BBS9: variants seen among roughly 807,000 people sequenced by gnomAD.
BBS9 encodes the protein protein PTHB1.
BBS9 carries 89 observed loss-of-function variants against 117.7 expected under a neutral mutation model. The ratio of observed to expected loss-of-function variants is 0.76; its 90% CI spans 0.64 to 0.90. The LOEUF is 0.90. Among genes scored for constraint, BBS9 ranks in the 40% least tolerant of loss-of-function variants. The pLI is 0.00. For missense variants in BBS9, 982 were observed against 1,042.2 expected (o/e 0.94, Z 0.80); for synonymous variants, 379 against 370.9 (o/e 1.02, Z -0.25).
At chr7:33,193,714 G>A (rs1377973581) in intron 5 of BBS9, among the ~76,000 whole-genome samples, 1 of 152,156 alleles carries the variant, frequency 6.6e-6, no homozygotes, top group Non-Finnish European at 1.5e-5. Flanking sequence ...CAGCCTTACT[G>A]TAGGATTTGG....
intron 5 of BBS9, among the ~76,000 whole-genome samples, chr7:33,205,346 A>G (rs1786699927): frequency 6.6e-6 from 1 of 152,112 alleles, no homozygotes; most frequent in African/African-American, 2.4e-5. Flanking sequence ...CTTTTTAACC[A>G]GTATTTCAGT....
chr7:33,595,810 G>A (rs1331202684), intron 21 of BBS9, among the ~76,000 whole-genome samples: 1 of 152,198 alleles, frequency 6.6e-6, no homozygotes, highest in East Asian at 1.9e-4. Flanking sequence ...AGAAAATGTG[G>A]TATGTATACA....
At chr7:33,267,431 C>T (rs1217049094) in intron 7 of BBS9, among the ~76,000 whole-genome samples, 1 of 150,076 alleles carries the variant, frequency 6.7e-6, no homozygotes, top group Non-Finnish European at 1.5e-5. Context: ...TTTTTGGTTT[C>T]CTTTTCCTCT....
At position 33,357,981 on chromosome 7, in the gene BBS9, T is replaced by C. The variant is rs896832021; in HGVS notation, c.1679T>C (p.Leu560Pro). ...IDTNKSPVSL[L>P]SLFPGFASQS... ...ACCAACAAATCTCCAGTCAGTCTTC[T>C]TAGTCTCTTCCCAGGTAAGACTGTT... The change falls in exon 16 of 23, where the codon CTT becomes CCT. Residue 560 changes from leucine to proline, a missense_variant. By Grantham distance (98) the Leu-to-Pro change is moderately conservative. Transcript: ENST00000242067. 1.2e-6 allele frequency: 2 copies of C among 1,612,334 alleles called. No homozygotes were observed. Among genetic ancestry groups the C allele is most frequent in the Non-Finnish European group, 1.7e-6 (2 of 1,178,820 alleles).
chr7:33,588,538 C>T (rs1420300092), intron 21 of BBS9, among the ~76,000 whole-genome samples: 1 of 152,136 alleles, frequency 6.6e-6, no homozygotes, highest in Non-Finnish European at 1.5e-5. Context: ...ATAGAGATCC[C>T]TGCCATTTTG....
At position 33,406,346 on chromosome 7, in the gene BBS9, T is replaced by C. The variant is rs150422721; in HGVS notation, c.2115+18202T>C. ...GATTTGGGGTGGAGAGTTCTGTAGA[T>C]GTCTATTAGGTCTGCTTGGTGCAGA... On this transcript the variant is annotated intron_variant, in intron 19 of 22. Transcript: ENST00000242067. Among the ~76,000 whole-genome samples, 11 of 152,328 alleles carry C rather than the reference T, an allele frequency of 7.2e-5. No homozygotes were observed. The East Asian group carries it at 2.1e-3, about 29-fold the overall frequency.
intron 19 of BBS9, among the ~76,000 whole-genome samples, chr7:33,448,349 T>C (rs1176581803): frequency 6.6e-6 from 1 of 152,220 alleles, no homozygotes; most frequent in African/African-American, 2.4e-5. Context: ...CTGTCTGTGA[T>C]GTAGTCTGAG....
chr7:33,464,303 T>C (rs1839875167), intron 19 of BBS9, among the ~76,000 whole-genome samples: 1 of 152,010 alleles, frequency 6.6e-6, no homozygotes, highest in Non-Finnish European at 1.5e-5. Flanking sequence ...AAACTAAGGG[T>C]TGTAGATCAG....
At chr7:33,363,669 A>G (rs1402984797) in intron 16 of BBS9, among the ~76,000 whole-genome samples, 1 of 151,508 alleles carries the variant, frequency 6.6e-6, no homozygotes, top group African/African-American at 2.4e-5. Flanking sequence ...TGTTTTAGCT[A>G]TAAGTATTTT....
chr7:33,537,107 T>A (rs944777079), intron 21 of BBS9, among the ~76,000 whole-genome samples: 2 of 152,168 alleles, frequency 1.3e-5, no homozygotes, highest in Non-Finnish European at 2.9e-5. Flanking sequence ...ACAGCTGAGG[T>A]AACGAAGGTC....
chr7:33,369,310 TAAAA>T (rs1034881643), intron 17 of BBS9, among the ~76,000 whole-genome samples: 26 of 152,138 alleles, frequency 1.7e-4, no homozygotes, highest in African/African-American at 5.5e-4. Context: ...ATGAGACCAT[TAAAA>T]AAGGCAAAAA....
chr7:33,334,227 T>G (rs963417730), intron 9 of BBS9, among the ~76,000 whole-genome samples: 3 of 152,226 alleles, frequency 2.0e-5, no homozygotes, highest in Non-Finnish European at 2.9e-5. Context: ...AAAACTGATT[T>G]AGTAATAAAC....
At chr7:33,152,679 T>C (rs1163173901) in intron 2 of BBS9, 22 bp from the exon 3 acceptor site, 1 of 1,600,214 alleles carries the variant, frequency 6.2e-7, no homozygotes, top group East Asian at 2.2e-5. Flanking sequence ...CCTCTATCTT[T>C]TTTTTTTTAA....
intron 1 of BBS9, among the ~76,000 whole-genome samples, chr7:33,143,229 A>T (rs1243230501): frequency 6.6e-6 from 1 of 152,136 alleles, no homozygotes; most frequent in East Asian, 1.9e-4. Context: ...TTGGCATCCC[A>T]AAGTGCTGGG....
chr7:33,263,781 G>A (rs1345877469), intron 6 of BBS9, among the ~76,000 whole-genome samples: 2 of 152,054 alleles, frequency 1.3e-5, no homozygotes, highest in African/African-American at 2.4e-5. Flanking sequence ...GATTGTGTTA[G>A]AGATTATTAT....
At chr7:33,492,221 A>AAC (rs1554506957) in intron 19 of BBS9, among the ~76,000 whole-genome samples, 18 of 148,508 alleles carry the variant, frequency 1.2e-4, no homozygotes, top group Admixed American at 2.7e-4. Context: ...AAACAAAAAA[A>AAC]AAACAAAAAA....
chr7:33,289,321 G>T (rs1036571087), intron 9 of BBS9, among the ~76,000 whole-genome samples: 22 of 151,972 alleles, frequency 1.4e-4, no homozygotes, highest in African/African-American at 5.3e-4. Flanking sequence ...TTGAGTCTTT[G>T]GAAAACTAAT....
chr7:33,234,773 A>G (rs1452822257), intron 5 of BBS9, among the ~76,000 whole-genome samples: 1 of 152,038 alleles, frequency 6.6e-6, no homozygotes, highest in Non-Finnish European at 1.5e-5. Flanking sequence ...ATATTTGAAT[A>G]TATACAGACA....
chr7:33,189,801 G>T (rs527333183), intron 5 of BBS9, among the ~76,000 whole-genome samples: 1 of 150,462 alleles, frequency 6.6e-6, no homozygotes, highest in African/African-American at 2.4e-5. Flanking sequence ...CAGGAGAATC[G>T]CTTGAACCCA....
Sources: gnomAD v4.1 joint callset for allele counts (sites outside exome capture counted in the v4.1 genomes callset) on GRCh38, gnomAD v4.1.1 for gene constraint, MANE v1.5 for transcripts, NCBI Gene and HGNC (gene_info 2026-07-23, HGNC 2026-07-21) for gene names.